The following MBD5 variants were observed in gnomAD, a reference collection of about 807,000 sequenced individuals.
The protein encoded by MBD5 is methyl-CpG binding domain protein 5.
A neutral mutation model predicts 117.3 loss-of-function variants in MBD5; 13 were observed. The observed-to-expected ratio is 0.11, with a 90% CI of 0.07 to 0.18. The LOEUF is 0.18. Ranked by LOEUF, MBD5 falls within the 10% of genes least tolerant of loss-of-function variation. The probability of loss-of-function intolerance (pLI) is 1.00; values close to 1 mark genes in which losing one functional copy is unlikely to be tolerated. For missense variants in MBD5, 1,879 were observed against 2,093.8 expected (o/e 0.90, Z 2.00); for synonymous variants, 727 against 766.4 (o/e 0.95, Z 0.85).
chr2:148,115,355 C>T (rs969683635), intron 1 of MBD5, among the ~76,000 whole-genome samples: 3 of 152,132 alleles, frequency 2.0e-5, no homozygotes, highest in South Asian at 2.1e-4. Flanking sequence ...TCCCAGCCTT[C>T]GCCACTGACA....
intron 1 of MBD5, among the ~76,000 whole-genome samples, chr2:148,156,867 C>T: frequency 6.6e-6 from 1 of 152,142 alleles, no homozygotes; most frequent in East Asian, 1.9e-4. Flanking sequence ...GATAGCCAAC[C>T]TTATTATAAT....
Position 148,500,502 on chromosome 2 carries a change from A to G in MBD5, c.4963-1934A>G, listed in dbSNP as rs190828765. ...TAAATGATAAAACAGTGCCTTTTAC[A>G]TAATAAATGCACAAGAAATGTTTTT... On this transcript the variant is annotated intron_variant, in intron 11 of 13. Transcript: ENST00000642680. Among the ~76,000 whole-genome samples, 130 of 152,306 alleles carry G rather than the reference A, an allele frequency of 8.5e-4. 1 individual carries two copies. The highest frequency in any genetic ancestry group is 1.6e-3 in the Non-Finnish European group (106 of 68,022).
chr2:148,265,898 C>T (rs1420830165), intron 3 of MBD5, among the ~76,000 whole-genome samples: 1 of 150,946 alleles, frequency 6.6e-6, no homozygotes, highest in African/African-American at 2.4e-5. Flanking sequence ...TGTGAGGTGG[C>T]AGGCTGGGGA....
intron 1 of MBD5, among the ~76,000 whole-genome samples, chr2:148,131,128 T>G (rs1697035583): frequency 6.6e-6 from 1 of 152,206 alleles, no homozygotes; most frequent in Non-Finnish European, 1.5e-5. Flanking sequence ...AATGATTAAT[T>G]GTCCATATTC....
At chr2:148,460,828 C>T (rs1449770832) in intron 5 of MBD5, among the ~76,000 whole-genome samples, 2 of 152,112 alleles carry the variant, frequency 1.3e-5, no homozygotes, top group African/African-American at 4.8e-5. Flanking sequence ...AATTAAATTC[C>T]TCTAGGATTC....
chr2:148,459,543 C>G (rs1706999393), intron 5 of MBD5, among the ~76,000 whole-genome samples: 1 of 152,110 alleles, frequency 6.6e-6, no homozygotes, highest in South Asian at 2.1e-4. Context: ...AAGTTCCCTA[C>G]TTCATAGTTT....
At chr2:148,128,891 TG>T (rs1338820328) in intron 1 of MBD5, among the ~76,000 whole-genome samples, 2 of 152,214 alleles carry the variant, frequency 1.3e-5, no homozygotes, top group Non-Finnish European at 2.9e-5. Flanking sequence ...CAGTATAAAA[TG>T]ACAATTCTTG....
chr2:148,307,331 T>C (rs1162819727), intron 3 of MBD5, among the ~76,000 whole-genome samples: 1 of 152,142 alleles, frequency 6.6e-6, no homozygotes, highest in Non-Finnish European at 1.5e-5. Context: ...GAGCTCTATT[T>C]TTTTAAAGAA....
At chr2:148,484,912 G>C (rs1454272215) in intron 9 of MBD5, among the ~76,000 whole-genome samples, 1 of 152,000 alleles carries the variant, frequency 6.6e-6, no homozygotes, top group Admixed American at 6.6e-5. Context: ...TAAAAAATTT[G>C]TTTATTATTT....
intron 3 of MBD5, among the ~76,000 whole-genome samples, chr2:148,294,196 G>GTTTTTTTTTTTTTTTTTTTTTTTTTTTTT (rs60942822): frequency 7.9e-6 from 1 of 127,146 alleles, no homozygotes; most frequent in African/African-American, 3.0e-5. Flanking sequence ...CCAGAATGAA[G>GTTTTTTTTTTTTTTTTTTTTTTTTTTTTT]TTTTTTTTTT....
chr2:148,024,445 A>AT (rs1558891265), intron 1 of MBD5, among the ~76,000 whole-genome samples: 1 of 152,126 alleles, frequency 6.6e-6, no homozygotes, highest in African/African-American at 2.4e-5. Context: ...AAAAACAAAC[A>AT]TTTTTGTTTT....
chr2:148,419,736 C>T (rs2105252075), intron 4 of MBD5, among the ~76,000 whole-genome samples: 1 of 152,170 alleles, frequency 6.6e-6, no homozygotes, highest in East Asian at 1.9e-4. Context: ...CCTCTACCTA[C>T]CTTTCTCATT....
chr2:148,107,320 T>C (rs1696395893), intron 1 of MBD5, among the ~76,000 whole-genome samples: 1 of 152,090 alleles, frequency 6.6e-6, no homozygotes, highest in South Asian at 2.1e-4. Flanking sequence ...TTTTCCTTGA[T>C]TTTCTGCAGT....
intron 1 of MBD5, chr2:148,028,797 A>G (rs1248056296): frequency 1.3e-5 from 2 of 152,134 alleles, no homozygotes; most frequent in African/African-American, 4.8e-5. Flanking sequence ...TAAATAACAT[A>G]AAAATATTTA....
chr2:148,206,507 T>TA (rs1379188106), intron 2 of MBD5, among the ~76,000 whole-genome samples: 1 of 152,172 alleles, frequency 6.6e-6, no homozygotes, highest in African/African-American at 2.4e-5. Context: ...TATTTTGAAA[T>TA]ATACAACAAA....
intron 3 of MBD5, among the ~76,000 whole-genome samples, chr2:148,327,876 G>T (rs1366240042): frequency 6.6e-6 from 1 of 152,170 alleles, no homozygotes; most frequent in Non-Finnish European, 1.5e-5. Context: ...TTGTTCTGTT[G>T]CTGGTGAGGA....
chr2:148,037,818 T>C (rs1694236067), intron 1 of MBD5, among the ~76,000 whole-genome samples: 1 of 151,998 alleles, frequency 6.6e-6, no homozygotes, highest in African/African-American at 2.4e-5. Flanking sequence ...ATGCCAGTTA[T>C]TCACCTATGA....
intron 3 of MBD5, among the ~76,000 whole-genome samples, chr2:148,330,282 G>A (rs1267269301): frequency 6.6e-6 from 1 of 152,030 alleles, no homozygotes; most frequent in Non-Finnish European, 1.5e-5. Flanking sequence ...TTGGCTAAAT[G>A]CCAATCTCTG....
chr2:148,470,079 C>T lies in MBD5; in HGVS notation c.2136C>T (p.Ser712=), dbSNP rs1680742940. The T allele has an allele frequency of 1.2e-6, 2 of 1,613,812 alleles. No homozygotes were observed. The highest frequency in any genetic ancestry group is 2.2e-5 in the South Asian group (2 of 91,088). The stretch of plus-strand genomic sequence containing the variant: ...TACTACAGTCTATGAGTTGTCAAAG[C>T]TCTCACTTGAGTAGCAATAGTACCC... ...SQLLQSMSCQ[S]SHLSSNSTPG... Residue 712 remains serine, a synonymous_variant, in exon 8 of 14, where the codon AGC becomes AGT. Transcript: ENST00000642680.
Sources: allele counts gnomAD v4.1 joint callset (sites outside exome capture counted in the v4.1 genomes callset), GRCh38; gene constraint gnomAD v4.1.1; transcripts MANE v1.5; gene names NCBI Gene and HGNC (gene_info 2026-07-23, HGNC 2026-07-21).